Variants in TMEFF1 observed in about 807,000 individuals in gnomAD.
The protein encoded by TMEFF1 is tomoregulin-1.
Under a neutral mutation model 47.5 loss-of-function variants are expected in TMEFF1, and 20 were observed. That is an observed-to-expected ratio of 0.42 (90% CI 0.30 to 0.61). TMEFF1 has a LOEUF of 0.61. TMEFF1 is among the 20% of genes least tolerant of loss of function. The pLI is 0.19. For missense variants in TMEFF1, 411 were observed against 471.1 expected, an observed-to-expected ratio of 0.87 and a Z score of 1.18; for synonymous variants, 162 against 166.3, an observed-to-expected ratio of 0.97 and a Z score of 0.20.
At chr9:100,547,631 A>G in intron 5 of TMEFF1, 113 bp from the exon 6 acceptor site, 1 of 1,251,422 alleles carries the variant, frequency 8.0e-7, no homozygotes, top group South Asian at 2.7e-5. Flanking sequence ...ACTTAAAACA[A>G]TATATTGACT....
At chr9:100,497,610 T>A (rs1355406836) in intron 1 of TMEFF1, among the ~76,000 whole-genome samples, 1 of 152,014 alleles carries the variant, frequency 6.6e-6, no homozygotes, top group Non-Finnish European at 1.5e-5. Context: ...TGCAGAGCAG[T>A]GGGAATAAAT....
At chr9:100,540,954 T>C (rs1009840159) in intron 5 of TMEFF1, among the ~76,000 whole-genome samples, 4 of 152,242 alleles carry the variant, frequency 2.6e-5, no homozygotes, top group African/African-American at 2.4e-5. Context: ...TTCTGGATAC[T>C]ACTTATTTGT....
intron 1 of TMEFF1, among the ~76,000 whole-genome samples, chr9:100,483,515 A>G (rs1197923576): frequency 4.6e-5 from 7 of 151,636 alleles, no homozygotes; most frequent in Admixed American, 1.3e-4. Flanking sequence ...AAACAAACAA[A>G]CAAACAAACA....
At chr9:100,481,356 T>A (rs886551629) in intron 1 of TMEFF1, among the ~76,000 whole-genome samples, 1 of 152,226 alleles carries the variant, frequency 6.6e-6, no homozygotes, top group Non-Finnish European at 1.5e-5. Context: ...CATATTTATT[T>A]GTGGAATAGA....
intron 1 of TMEFF1, among the ~76,000 whole-genome samples, chr9:100,496,830 G>C (rs765122768): frequency 1.3e-5 from 2 of 152,326 alleles, no homozygotes; most frequent in Non-Finnish European, 2.9e-5. Flanking sequence ...ATAGAACCCA[G>C]TGTGAACTTT....
At chr9:100,557,349 C>T (rs148807670) in intron 7 of TMEFF1, among the ~76,000 whole-genome samples, 109 of 152,128 alleles carry the variant, frequency 7.2e-4, no homozygotes, top group African/African-American at 2.4e-3. Context: ...ATGTAAAACC[C>T]GGCTTTCCCT....
rs149449526 is a variant in TMEFF1, at chr9:100,487,384, T to G, written c.197-11381T>G. On this transcript the variant is annotated intron_variant, in intron 1 of 9. Transcript: ENST00000374879. Reference sequence around the variant, plus strand: ...GGTTTCACCATGTTTGCTAGGCTGGTCTCGAATCCCTGGCCTCAGGTGATC... The same window carrying G: ...GGTTTCACCATGTTTGCTAGGCTGGGCTCGAATCCCTGGCCTCAGGTGATC... Among the ~76,000 whole-genome samples the G allele has an allele frequency of 5.8e-4, 89 of 152,272 alleles. 1 individual carries two copies. Among genetic ancestry groups the G allele is most frequent in the African/African-American group, 2.0e-3 (84 of 41,566 alleles).
chr9:100,537,578 A>G (rs1443467091), intron 5 of TMEFF1, among the ~76,000 whole-genome samples: 1 of 152,244 alleles, frequency 6.6e-6, no homozygotes, highest in African/African-American at 2.4e-5. Context: ...GGCAGGGGCA[A>G]TGTAACAATA....
chr9:100,523,508 A>G (rs769055542), intron 5 of TMEFF1, among the ~76,000 whole-genome samples: 4 of 152,136 alleles, frequency 2.6e-5, no homozygotes, highest in Non-Finnish European at 4.4e-5. Context: ...ATTAGTGGCA[A>G]TCGACACTAG....
intron 4 of TMEFF1, among the ~76,000 whole-genome samples, chr9:100,516,286 T>C (rs1838071676): frequency 6.6e-6 from 1 of 152,218 alleles, no homozygotes; most frequent in Admixed American, 6.5e-5. Context: ...GCTTATCTGC[T>C]GACCAGCTTT....
chr9:100,509,090 A>C lies in TMEFF1; in HGVS notation c.392A>C (p.His131Pro). The C allele has an allele frequency of 6.3e-7, 1 of 1,599,622 alleles. No individual in the cohort carries two copies. The change falls in exon 3 of 10, where the codon CAC (histidine) becomes CCC (proline). Residue 131 changes from histidine to proline, a missense_variant. Coordinates refer to ENST00000374879, the MANE Select transcript of TMEFF1 (RefSeq NM_003692.5). ...ECFLRRAACK[H>P]QKEITVIARG... ...TTTCTCAGAAGGGCTGCTTGTAAGC[A>C]CCAGAAAGAGATAACAGTAATAGCA...
At chr9:100,571,248 C>T (rs2118577647) in intron 8 of TMEFF1, among the ~76,000 whole-genome samples, 1 of 152,188 alleles carries the variant, frequency 6.6e-6, no homozygotes, top group African/African-American at 2.4e-5. Context: ...TTTTCAGGTA[C>T]TTAGCCCTAA....
At chr9:100,500,493 G>T (rs1321986983) in intron 2 of TMEFF1, among the ~76,000 whole-genome samples, 1 of 152,048 alleles carries the variant, frequency 6.6e-6, no homozygotes, top group Middle Eastern at 3.4e-3. Context: ...TCTGTCTTCA[G>T]GTTCACTAAT....
At chr9:100,495,274 G>T (rs577970748) in intron 1 of TMEFF1, among the ~76,000 whole-genome samples, 5 of 152,142 alleles carry the variant, frequency 3.3e-5, no homozygotes, top group South Asian at 2.1e-4. Context: ...CTCATATGTT[G>T]TGGGCAATTA....
chr9:100,483,312 C>T (rs763647436), intron 1 of TMEFF1, among the ~76,000 whole-genome samples: 1 of 152,032 alleles, frequency 6.6e-6, no homozygotes, highest in Non-Finnish European at 1.5e-5. Flanking sequence ...GCCTGGCCAA[C>T]ATGATGAAAA....
intron 7 of TMEFF1, among the ~76,000 whole-genome samples, chr9:100,554,865 G>A: frequency 6.6e-6 from 1 of 152,090 alleles, no homozygotes. Context: ...CTGATGCAGT[G>A]TTGATATAGT....
chr9:100,552,961 C>T (rs1033678112), intron 7 of TMEFF1, among the ~76,000 whole-genome samples: 3 of 151,754 alleles, frequency 2.0e-5, no homozygotes, highest in Non-Finnish European at 2.9e-5. Context: ...AGAACATTTT[C>T]AGAGTTGAAG....
chr9:100,559,719 C>T (rs1437049536), intron 7 of TMEFF1, among the ~76,000 whole-genome samples: 1 of 152,034 alleles, frequency 6.6e-6, no homozygotes, highest in Non-Finnish European at 1.5e-5. Flanking sequence ...TGGTCTCATT[C>T]AGTTCCCTCA....
At chr9:100,515,961 C>T (rs2118386056) in intron 4 of TMEFF1, among the ~76,000 whole-genome samples, 1 of 152,244 alleles carries the variant, frequency 6.6e-6, no homozygotes, top group South Asian at 2.1e-4. Flanking sequence ...CTAGTTGAGA[C>T]CCACAAAGTG....
Sources: allele counts gnomAD v4.1 joint callset (sites outside exome capture counted in the v4.1 genomes callset), GRCh38; gene constraint gnomAD v4.1.1; transcripts MANE v1.5; gene names NCBI Gene and HGNC (gene_info 2026-07-23, HGNC 2026-07-21).